The following PTP4A2 variants were observed in gnomAD, a reference collection of about 807,000 sequenced individuals.
PTP4A2 encodes protein tyrosine phosphatase 4A2, also known as protein tyrosine phosphatase type IVA 2.
Under a neutral mutation model 22.9 loss-of-function variants are expected in PTP4A2, and 2 were observed. That is an observed-to-expected ratio of 0.09 (90% confidence interval 0.04 to 0.27). PTP4A2 has a LOEUF of 0.27. Ranked by LOEUF, PTP4A2 falls within the 10% of genes least tolerant of loss-of-function variation. The pLI, the probability that PTP4A2 is intolerant of heterozygous loss-of-function variation, is 1.00. For synonymous variants in PTP4A2, 68 were observed against 69.1 expected, an observed-to-expected ratio of 0.98 and a Z score of 0.08; for missense variants, 103 against 205.1, an observed-to-expected ratio of 0.50 and a Z score of 3.04.
At chr1:31,911,546 A>G (rs1418109283) in intron 4 of PTP4A2, 150 bp downstream of exon 4, 2 of 646,980 alleles carry the variant, frequency 3.1e-6, no homozygotes, top group Admixed American at 4.1e-5. Flanking sequence ...AGAAATCATT[A>G]CACTAGTTTT....
chr1:31,925,029 G>C (rs1652381558), intron 1 of PTP4A2, among the ~76,000 whole-genome samples: 1 of 152,204 alleles, frequency 6.6e-6, no homozygotes, highest in Non-Finnish European at 1.5e-5. Flanking sequence ...AGTGTGCTTA[G>C]AAATATGTGT....
chr1:31,916,952 A>G (rs1389781100), intron 2 of PTP4A2, among the ~76,000 whole-genome samples: 2 of 152,198 alleles, frequency 1.3e-5, no homozygotes, highest in Non-Finnish European at 2.9e-5. Flanking sequence ...TAAAGAAATA[A>G]AATTCTGAAA....
At chr1:31,910,162 G>T (rs776449108) in intron 4 of PTP4A2, 50 bp from the exon 5 acceptor site, 5 of 1,471,896 alleles carry the variant, frequency 3.4e-6, no homozygotes, top group Non-Finnish European at 4.7e-6. Context: ...GGAGTGAAAG[G>T]ATTTTTAAAA....
In PTP4A2 at chr1:31,919,053, C is replaced by T. The variant is rs1199357870; in HGVS notation, c.13G>A (p.Ala5Thr). The T allele has an allele frequency of 6.3e-7, 1 of 1,595,148 alleles. No homozygotes were observed. Among genetic ancestry groups the T allele is most frequent in the East Asian group, 2.2e-5 (1 of 44,720 alleles). ...TTCTCATAGGAGATCTCCACAGGGG[C>T]TGGACGGTTCATTATGGCAAATAAA... is the stretch of plus-strand genomic sequence containing the variant. MNRP[A>T]PVEISYENMR... The change falls in exon 2 of 6, where the codon GCC (alanine) becomes ACC (threonine). Residue 5 changes from alanine (A) to threonine (T), a missense_variant. Coordinates refer to ENST00000647444, the MANE Select transcript of PTP4A2 (RefSeq NM_080391.4).
intron 1 of PTP4A2, among the ~76,000 whole-genome samples, chr1:31,931,324 A>G (rs1162610450): frequency 6.6e-6 from 1 of 152,234 alleles, no homozygotes; most frequent in Non-Finnish European, 1.5e-5. Flanking sequence ...TGGTAGTGTG[A>G]CTTGAGAAAG....
intron 4 of PTP4A2, chr1:31,910,438 C>T (rs888130290): frequency 1.6e-5 from 3 of 190,980 alleles, no homozygotes; most frequent in African/African-American, 4.7e-5. Flanking sequence ...TATAGGTGCC[C>T]GCCACCATGC....
intron 4 of PTP4A2, chr1:31,910,738 A>T (rs1490516672): frequency 1.3e-5 from 2 of 152,222 alleles, no homozygotes; most frequent in Non-Finnish European, 2.9e-5. Context: ...ATCACAGTAA[A>T]ATAAATGACC....
chr1:31,929,961 T>C (rs992738102), intron 1 of PTP4A2, among the ~76,000 whole-genome samples: 1 of 152,210 alleles, frequency 6.6e-6, no homozygotes, highest in East Asian at 1.9e-4. Flanking sequence ...GAAAGGTTAT[T>C]TGAATCACCT....
chr1:31,932,312 A>C (rs1168216780), intron 1 of PTP4A2, among the ~76,000 whole-genome samples: 1 of 152,248 alleles, frequency 6.6e-6, no homozygotes, highest in African/African-American at 2.4e-5. Flanking sequence ...AAAGGTAAAG[A>C]CTGTTCTAAA....
At chr1:31,932,938 G>C (rs1188906525) in intron 1 of PTP4A2, 1 of 152,120 alleles carries the variant, frequency 6.6e-6, no homozygotes, top group East Asian at 1.9e-4. Flanking sequence ...AGGATAATGA[G>C]AGAAAGCTAA....
chr1:31,917,022 C>T (rs1233802842), intron 2 of PTP4A2, among the ~76,000 whole-genome samples: 3 of 152,212 alleles, frequency 2.0e-5, no homozygotes, highest in Non-Finnish European at 4.4e-5. Flanking sequence ...AGAAGCCTTG[C>T]TCCTTTAAAA....
chr1:31,908,109 G>T lies in PTP4A2; in HGVS notation c.*743C>A, dbSNP rs1651274036. On this transcript the variant is annotated 3_prime_UTR_variant, in exon 6 of 6. Coordinates refer to ENST00000647444, the MANE Select transcript of PTP4A2 (RefSeq NM_080391.4). ...CATCAGTAAAGACTAAAAACCACCT[G>T]GAAAATATATATATATATATATATA... The T allele has an allele frequency of 5.4e-5, 2 of 37,254 alleles. No homozygotes were observed. Among genetic ancestry groups the T allele is most frequent in the Non-Finnish European group, 8.5e-5 (2 of 23,660 alleles). 2.3% of individuals were successfully genotyped at this position (37,254 alleles called of 1,614,324 possible). A position where few individuals can be genotyped will look rare whatever the true frequency, so the allele number is the denominator to read the frequency against.
In PTP4A2 at chr1:31,910,049, C is replaced by T; in HGVS notation, c.384G>A (p.Gln128=). Reference sequence around the variant, plus strand: ...AACTTCATACTCACTGTCTTATAAACTGAACTGCATCTTCGTACTTCATTC... The same window carrying T: ...AACTTCATACTCACTGTCTTATAAATTGAACTGCATCTTCGTACTTCATTC... ...ECGMKYEDAV[Q]FIRQKRRGAF... is the part of the protein sequence containing the mutation. The change falls in exon 5 of 6, where the codon CAG becomes CAA. Residue 128 remains glutamine, a synonymous_variant. Transcript: ENST00000647444. 2 of 1,612,512 alleles carry T rather than the reference C, an allele frequency of 1.2e-6. No individual in the cohort carries two copies. The highest frequency in any genetic ancestry group is 1.7e-6 in the Non-Finnish European group (2 of 1,179,062).
chr1:31,914,395 C>A, intron 3 of PTP4A2: 1 of 390,920 alleles, frequency 2.6e-6, no homozygotes, highest in South Asian at 1.8e-5. Context: ...ACACATTTGG[C>A]TATTTAGTTT....
chr1:31,935,520 G>A (rs569688717), intron 1 of PTP4A2: 1 of 152,294 alleles, frequency 6.6e-6, no homozygotes. Flanking sequence ...AAGGGCTTTA[G>A]AGTCAAAGAC....
At chr1:31,934,565 T>G (rs661195) in intron 1 of PTP4A2, among the ~76,000 whole-genome samples, 10,582 of 152,292 alleles carry the variant, frequency 0.069, 617 homozygotes, top group South Asian at 0.29. Flanking sequence ...AAATCCCTAC[T>G]AAATTTCAAC....
Position 31,910,128 on chromosome 1 carries a change from TGTATGTAA to T in PTP4A2, c.321-24_321-17del. On this transcript the variant is annotated splice_polypyrimidine_tract_variant and intron_variant, in intron 4 of 5. Coordinates refer to ENST00000647444, the MANE Select transcript of PTP4A2 (RefSeq NM_080391.4). ...CACAGGTGCCCTGCAGAAAGAAACCTGTATGTAAGTATCCATAAGTCTTGGAGTGAAAG... is the reference window on the plus strand; with the variant it reads ...CACAGGTGCCCTGCAGAAAGAAACCTGTATCCATAAGTCTTGGAGTGAAAG... 1 of 1,597,268 alleles carries T rather than the reference TGTATGTAA, an allele frequency of 6.3e-7. No individual in the cohort carries two copies. Among genetic ancestry groups the T allele is most frequent in the Non-Finnish European group, 8.6e-7 (1 of 1,165,958 alleles).
chr1:31,937,162 A>G (rs775086289), intron 1 of PTP4A2, among the ~76,000 whole-genome samples: 3 of 152,198 alleles, frequency 2.0e-5, no homozygotes, highest in African/African-American at 4.8e-5. Context: ...AGACTAGGAT[A>G]GGATGGCATC....
intron 1 of PTP4A2, chr1:31,932,976 T>C (rs1404427379): frequency 2.0e-5 from 3 of 151,796 alleles, no homozygotes; most frequent in Admixed American, 2.0e-4. Flanking sequence ...AGTTAATAGT[T>C]CAAAAGATGA....
Sources: gnomAD v4.1 joint callset for allele counts (sites outside exome capture counted in the v4.1 genomes callset) on GRCh38, gnomAD v4.1.1 for gene constraint, MANE v1.5 for transcripts, NCBI Gene and HGNC (gene_info 2026-07-23, HGNC 2026-07-21) for gene names.